Variants in ZNF273 observed in about 807,000 individuals in gnomAD.
The protein encoded by ZNF273 is zinc finger protein 273.
ZNF273 carries 11 observed loss-of-function variants against 14.9 expected under a neutral mutation model. The ratio of observed to expected loss-of-function variants is 0.74; its 90% CI spans 0.46 to 1.22. The LOEUF (loss-of-function observed/expected upper bound fraction) is 1.22, where lower values mean the gene tolerates loss of function less well. Ranked by LOEUF, ZNF273 falls within the 50% of genes most tolerant of loss-of-function variation. The pLI, the probability that ZNF273 is intolerant of heterozygous loss-of-function variation, is 0.00. For missense variants in ZNF273, 577 were observed against 660.6 expected (o/e 0.87, Z 1.39); for synonymous variants, 199 against 223.9 (o/e 0.89, Z 0.99).
At chr7:64,879,176 T>G (rs1258528779) in intron 2 of ZNF273, among the ~76,000 whole-genome samples, 2 of 152,176 alleles carry the variant, frequency 1.3e-5, no homozygotes, top group Admixed American at 6.5e-5. Context: ...GTACTTCCTC[T>G]CACCGTGGAT....
chr7:64,934,292 C>G (rs771682236), downstream of ZNF273, among the ~76,000 whole-genome samples: 2 of 152,028 alleles, frequency 1.3e-5, no homozygotes, highest in Non-Finnish European at 2.9e-5. Flanking sequence ...TTTGTTGTAT[C>G]AGATTTTTTT....
intron 1 of ZNF273, among the ~76,000 whole-genome samples, chr7:64,906,245 A>G (rs1044539629): frequency 1.3e-5 from 2 of 152,232 alleles, no homozygotes; most frequent in African/African-American, 4.8e-5. Context: ...GAATATCTCT[A>G]GTCTATGTCC....
At chr7:64,903,720 G>T (rs10242362) in intron 1 of ZNF273, among the ~76,000 whole-genome samples, 4,962 of 152,264 alleles carry the variant, frequency 0.033, 269 homozygotes, top group African/African-American at 0.11. Context: ...CGGGATGCAG[G>T]GTTCATGACT....
chr7:64,922,118 CTTTT>C (rs199922439), intron 3 of ZNF273, among the ~76,000 whole-genome samples: 1 of 138,308 alleles, frequency 7.2e-6, no homozygotes, highest in Non-Finnish European at 1.6e-5. Flanking sequence ...ATTCTATTTC[CTTTT>C]TTTTTTTTTT....
At position 64,897,712 on chromosome 7, in the gene ZNF273, CTT is replaced by C. The variant is rs34696878; in HGVS notation, n.869_870del. 76 of 121,652 alleles carry C rather than the reference CTT, an allele frequency of 6.2e-4. 1 individual carries two copies. The highest frequency in any genetic ancestry group is 9.4e-4 in the Admixed American group (10 of 10,584). The allele number at this position is 121,652 out of a possible 1,614,324, so 7.5% of individuals were successfully genotyped here. A position where few individuals can be genotyped will look rare whatever the true frequency, so the allele number is the denominator to read the frequency against. ...AAATAAAGGTTCATTTTGTTGATTT[CTT>C]TTTTTTTTTTTTTTTCTGAGACGGA... On this transcript the variant is annotated non_coding_transcript_exon_variant, in exon 4 of 8. Coordinates refer to the ZNF273 transcript ENST00000527278.
chr7:64,920,090 G>T (rs1345546478), intron 3 of ZNF273, among the ~76,000 whole-genome samples: 1 of 152,128 alleles, frequency 6.6e-6, no homozygotes, highest in Admixed American at 6.5e-5. Context: ...TGGGCCCCCA[G>T]AGTGATGGTT....
At chr7:64,883,214 A>AACCCC (rs1554378895), downstream of ZNF273, among the ~76,000 whole-genome samples, 2 of 121,638 alleles carry the variant, frequency 1.6e-5, no homozygotes, top group Non-Finnish European at 3.5e-5. Context: ...CCAAATCACC[A>AACCCC]CCCCCCCCTC....
rs1198943068 is a variant in ZNF273, at chr7:64,930,232, A to T, written c.*1194A>T. 1 of 150,902 alleles carries T rather than the reference A, an allele frequency of 6.6e-6. No individual in the cohort carries two copies. Among genetic ancestry groups the T allele is most frequent in the Non-Finnish European group, 1.5e-5 (1 of 68,038 alleles). 9.3% of individuals were successfully genotyped at this position (150,902 alleles called of 1,614,324 possible). A position where few individuals can be genotyped will look rare whatever the true frequency, so the allele number is the denominator to read the frequency against. Reference sequence around the variant, plus strand: ...GTGATCAACTTGCTGCATCAAAGATATGAGATTTTTTTTTTTATTAGGTGG... The same window carrying T: ...GTGATCAACTTGCTGCATCAAAGATTTGAGATTTTTTTTTTTATTAGGTGG... On this transcript the variant is annotated 3_prime_UTR_variant, in exon 4 of 4. Coordinates refer to ENST00000476120, the MANE Select transcript of ZNF273 (RefSeq NM_021148.3).
intron 3 of ZNF273, among the ~76,000 whole-genome samples, chr7:64,896,654 A>G (rs1311073681): frequency 6.6e-6 from 1 of 152,152 alleles, no homozygotes; most frequent in Admixed American, 6.5e-5. Flanking sequence ...GCTACTATGT[A>G]TAAATTAAAA....
chr7:64,923,403 T>C (rs1200248193), intron 3 of ZNF273: 1 of 454,298 alleles, frequency 2.2e-6, no homozygotes, highest in East Asian at 7.0e-5. Context: ...TGCAGTGGCG[T>C]GATCTTGGGT....
intron 2 of ZNF273, 42 bp downstream of exon 2, chr7:64,917,749 CCTT>C (rs1794115094): frequency 1.3e-6 from 2 of 1,516,840 alleles, no homozygotes; most frequent in Admixed American, 4.4e-5. Context: ...TTTCACTTCT[CCTT>C]TCTGTAGAAT....
chr7:64,888,720 TGGGAGAGTCCCGTTCAC>T (rs1791764201), exon 2 of ZNF273: 5 of 985,600 alleles, frequency 5.1e-6, no homozygotes, highest in Non-Finnish European at 6.0e-6. Context: ...GACAGCGGGA[TGGGAGAGTCCCGTTCAC>T]ACCCAGCCCC....
downstream of ZNF273, among the ~76,000 whole-genome samples, chr7:64,881,647 C>T (rs1791258294): frequency 6.6e-6 from 1 of 152,142 alleles, no homozygotes; most frequent in Non-Finnish European, 1.5e-5. Context: ...GACTTCCTCT[C>T]ACCCCAGATC....
chr7:64,882,356 C>T (rs572709873), downstream of ZNF273: 2 of 152,130 alleles, frequency 1.3e-5, no homozygotes, highest in South Asian at 4.2e-4. Flanking sequence ...GCCCTGTGGT[C>T]GAGACTTTTA....
chr7:64,894,189 GA>G (rs1173071530), downstream of ZNF273, among the ~76,000 whole-genome samples: 1 of 152,056 alleles, frequency 6.6e-6, no homozygotes, highest in Non-Finnish European at 1.5e-5. Flanking sequence ...ATTTTTAGAA[GA>G]AACAGGGTTT....
upstream of ZNF273, among the ~76,000 whole-genome samples, chr7:64,900,820 C>T (rs1327401320): frequency 6.6e-6 from 1 of 152,094 alleles, no homozygotes; most frequent in African/African-American, 2.4e-5. Flanking sequence ...TATAAAACAC[C>T]TTGCATTTCA....
At chr7:64,884,458 C>A (rs1004655422), downstream of ZNF273, among the ~76,000 whole-genome samples, 1 of 152,148 alleles carries the variant, frequency 6.6e-6, no homozygotes, top group Non-Finnish European at 1.5e-5. Flanking sequence ...TTCTGAAACT[C>A]TCTCTCAACC....
chr7:64,926,952 A>G (rs1794794403), intron 3 of ZNF273, among the ~76,000 whole-genome samples: 1 of 152,198 alleles, frequency 6.6e-6, no homozygotes, highest in East Asian at 1.9e-4. Flanking sequence ...TCAAACTGTT[A>G]TTCCATAGTA....
At chr7:64,906,877 C>G (rs560819572) in intron 1 of ZNF273, among the ~76,000 whole-genome samples, 1 of 151,782 alleles carries the variant, frequency 6.6e-6, no homozygotes, top group Non-Finnish European at 1.5e-5. Flanking sequence ...TTGCAACAGG[C>G]AAAGTACCAA....
Sources: allele counts gnomAD v4.1 joint callset (sites outside exome capture counted in the v4.1 genomes callset), GRCh38; gene constraint gnomAD v4.1.1; transcripts MANE v1.5; gene names NCBI Gene and HGNC (gene_info 2026-07-23, HGNC 2026-07-21).